SCARF2: variants seen among roughly 807,000 people sequenced by gnomAD.
SCARF2 encodes scavenger receptor expressed by endothelial cells 2 protein.
A neutral mutation model predicts 73.4 loss-of-function variants in SCARF2; 39 were observed. The ratio of observed to expected loss-of-function variants is 0.53; its 90% confidence interval spans 0.41 to 0.69. The LOEUF (loss-of-function observed/expected upper bound fraction) is 0.69. Ranked by LOEUF, SCARF2 falls within the 30% of genes least tolerant of loss-of-function variation. SCARF2 has a pLI of 0.00. For missense variants in SCARF2, 1,148 were observed against 1,303.5 expected, an observed-to-expected ratio of 0.88 and a Z score of 1.84; for synonymous variants, 605 against 590.0, an observed-to-expected ratio of 1.03 and a Z score of -0.37.
chr22:20,426,990 G>A (rs2052585793), intron 10 of SCARF2, among the ~76,000 whole-genome samples: 1 of 151,984 alleles, frequency 6.6e-6, no homozygotes. Flanking sequence ...CGTGGCATCT[G>A]GGGGCACAGT....
chr22:20,430,792 C>T lies in SCARF2; in HGVS notation c.971G>A (p.Gly324Asp). 1.2e-6 allele frequency: 2 copies of T among 1,606,164 alleles called. No homozygotes were observed. Among genetic ancestry groups the T allele is most frequent in the Non-Finnish European group, 1.7e-6 (2 of 1,177,316 alleles). Reference protein sequence around the residue: ...CDQPCATGFYGEGCSHRCPPC... With the variant: ...CDQPCATGFYDEGCSHRCPPC... ...CGGACAGCGGTGGCTGCAGCCCTCGCCATAGAAACCGGTGGCGCAAGGCTG... is the reference window on the plus strand; with the variant it reads ...CGGACAGCGGTGGCTGCAGCCCTCGTCATAGAAACCGGTGGCGCAAGGCTG... Residue 324 changes from glycine to aspartate, a missense_variant, in exon 5 of 11, where the codon GGC becomes GAC. By Grantham distance (94) the Gly-to-Asp change is moderately conservative (BLOSUM62 -1). This residue lies in a region of SCARF2 where 372 missense variants were observed against 532.0 expected (regional missense o/e 0.70). Transcript: ENST00000622235.
At chr22:20,432,053 C>G in intron 1 of SCARF2, 65 bp from the exon 2 acceptor site, 1 of 1,458,686 alleles carries the variant, frequency 6.9e-7, no homozygotes, top group East Asian at 2.4e-5. Flanking sequence ...GCTCCGGGCT[C>G]CTCCGCAGCC....
In SCARF2 at chr22:20,429,987, G is replaced by T. The variant is rs951288943; in HGVS notation, c.1203-154C>A. The stretch of plus-strand genomic sequence containing the variant: ...CGTCTAGGGATTGAAGCCCCGCCCC[G>T]CCCGTGGCACATATTGGGTAGTGGA... On this transcript the variant is annotated intron_variant, in intron 6 of 10. Transcript: ENST00000622235. This position sits in a 1 kb window ranked among gnomAD's most constrained non-coding sequence, Gnocchi z 5.2. 2.7e-6 allele frequency: 2 copies of T among 728,476 alleles called. No homozygotes were observed. Among genetic ancestry groups the T allele is most frequent in the Non-Finnish European group, 4.6e-6 (2 of 439,410 alleles). 45.1% of individuals were successfully genotyped at this position (728,476 alleles called of 1,614,324 possible).
At chr22:20,432,914 C>T (rs2052663869) in intron 1 of SCARF2, among the ~76,000 whole-genome samples, 1 of 152,188 alleles carries the variant, frequency 6.6e-6, no homozygotes, top group African/African-American at 2.4e-5. Context: ...GACAGGGTTT[C>T]GCCATGTTGG....
Position 20,425,866 on chromosome 22 carries a change from T to C in SCARF2, c.2110A>G (p.Lys704Glu). Residue 704 changes from lysine (K) to glutamate (E), a missense_variant, in exon 11 of 11, where the codon AAA becomes GAA. Coordinates refer to ENST00000622235, the MANE Select transcript of SCARF2 (RefSeq NM_182895.5). This position sits in a 1 kb window ranked among gnomAD's most constrained non-coding sequence, Gnocchi z 4.6. ...CCGTGTTCGACCGTATGCGCCGATT[T>C]GTCGCTGGGCGTCCGTTTCCTCTTG... ...PSKRKRTPSD[K>E]SAHTVEHGSP... The C allele has an allele frequency of 6.3e-7, 1 of 1,595,752 alleles. No homozygotes were observed. Among genetic ancestry groups the C allele is most frequent in the Non-Finnish European group, 8.5e-7 (1 of 1,174,416 alleles).
chr22:20,425,628 C>A lies in SCARF2; in HGVS notation c.2348G>T (p.Arg783Leu). ...ELRGKTRSLG[R>L]AEVALGAQGP... ...CTGCGCGCCCAGGGCCACCTCGGCGCGGCCCAGGCTGCGAGTCTTGCCGCG... is the reference window on the plus strand; with the variant it reads ...CTGCGCGCCCAGGGCCACCTCGGCGAGGCCCAGGCTGCGAGTCTTGCCGCG... The change falls in exon 11 of 11, where the codon CGC becomes CTC. Residue 783 changes from arginine to leucine, a missense_variant. Transcript: ENST00000622235. This position sits in a 1 kb window ranked among gnomAD's most constrained non-coding sequence, Gnocchi z 4.6. 1 of 1,312,238 alleles carries A rather than the reference C, an allele frequency of 7.6e-7. No homozygotes were observed. The highest frequency in any genetic ancestry group is 9.7e-7 in the Non-Finnish European group (1 of 1,032,888). 81.3% of individuals were successfully genotyped at this position (1,312,238 alleles called of 1,614,324 possible).
chr22:20,436,723 G>A (rs971677187), intron 1 of SCARF2, among the ~76,000 whole-genome samples: 1 of 152,160 alleles, frequency 6.6e-6, no homozygotes, highest in African/African-American at 2.4e-5. Context: ...CCACACGCCC[G>A]CTCCTCACCC....
chr22:20,428,989 G>A (rs2052610905), intron 9 of SCARF2, among the ~76,000 whole-genome samples: 1 of 152,100 alleles, frequency 6.6e-6, no homozygotes, highest in Non-Finnish European at 1.5e-5. Flanking sequence ...CAACGTTTCT[G>A]ACATATGCCC....
rs556727567 is a variant in SCARF2, at chr22:20,429,720, A to G, written c.1306+10T>C. 11 of 1,613,788 alleles carry G rather than the reference A, an allele frequency of 6.8e-6. No individual in the cohort carries two copies. The South Asian group carries it at 9.9e-5, about 14-fold the overall frequency. ...TGCATTCCTTAACGGGACGCCCCTCATCCACTTACCTAGGTGGCAGGCACC... is the reference window on the plus strand; with the variant it reads ...TGCATTCCTTAACGGGACGCCCCTCGTCCACTTACCTAGGTGGCAGGCACC... On this transcript the variant is annotated intron_variant, in intron 7 of 10. Transcript: ENST00000622235. The surrounding 1 kb of genome is among the most constrained non-coding windows in gnomAD (Gnocchi z 5.2).
At position 20,427,820 on chromosome 22, in the gene SCARF2, C is replaced by T. The variant is rs1258271770; in HGVS notation, c.1541-270G>A. 4.6e-5 allele frequency among the ~76,000 whole-genome samples: 7 copies of T among 152,310 alleles called. No individual in the cohort carries two copies. In the South Asian group the frequency reaches 1.0e-3, roughly 23 times the overall value. ...AGGGAGCTGGAAAAGGTTGGGCTGA[C>T]GTGTTGAGAAAAGGCCAGAAAGGTG... is the stretch of plus-strand genomic sequence containing the variant. On this transcript the variant is annotated intron_variant, in intron 9 of 10. Coordinates refer to ENST00000622235, the MANE Select transcript of SCARF2 (RefSeq NM_182895.5).
At position 20,430,893 on chromosome 22, in the gene SCARF2, C is replaced by T. The variant is rs2052637336; in HGVS notation, c.870G>A (p.Lys290=). The change falls in exon 5 of 11, where the codon AAG becomes AAA. Residue 290 remains lysine (K), a synonymous_variant. Transcript: ENST00000622235. ...CGGCCACCGTGCACGGCTGCTGGCC[C>T]TTGCACTGGCCACACCTGGGGGAGG... is the stretch of plus-strand genomic sequence containing the variant. ...LGCRRRCGQC[K]GQQPCTVAEG... The T allele has an allele frequency of 1.3e-6, 2 of 1,598,666 alleles. No individual in the cohort carries two copies. Among genetic ancestry groups the T allele is most frequent in the Admixed American group, 1.7e-5 (1 of 59,146 alleles).
rs7286419 is a variant in SCARF2 at position 20,425,314 on chromosome 22, T to C, written c.*61A>G. On this transcript the variant is annotated 3_prime_UTR_variant, in exon 11 of 11. Coordinates refer to ENST00000622235, the MANE Select transcript of SCARF2 (RefSeq NM_182895.5). The surrounding 1 kb of genome is among the most constrained non-coding windows in gnomAD (Gnocchi z 4.6). ...CGCCCGTGCCCGGTAGCGTGGGAGG[T>C]GTGGGGTGGCGGGCGGCGCTGCGAA... is the stretch of plus-strand genomic sequence containing the variant. The C allele has an allele frequency of 3.1e-6, 4 of 1,278,508 alleles. No homozygotes were observed. The highest frequency in any genetic ancestry group is 4.0e-6 in the Non-Finnish European group (4 of 995,664). 79.2% of individuals were successfully genotyped at this position (1,278,508 alleles called of 1,614,324 possible). A position where few individuals can be genotyped will look rare whatever the true frequency, so the allele number is the denominator to read the frequency against.
At chr22:20,426,920 C>G (rs1477969140) in intron 10 of SCARF2, among the ~76,000 whole-genome samples, 1 of 145,056 alleles carries the variant, frequency 6.9e-6, no homozygotes, top group Non-Finnish European at 1.5e-5. Flanking sequence ...GAGGCAGACT[C>G]CGTCTCAAAA....
chr22:20,431,529 G>A lies in SCARF2; in HGVS notation c.343C>T (p.Arg115Cys). 6.3e-7 allele frequency: 1 copy of A among 1,575,162 alleles called. No individual in the cohort carries two copies. The highest frequency in any genetic ancestry group is 1.1e-5 in the South Asian group (1 of 87,248). The change falls in exon 4 of 11, where the codon CGC (arginine) becomes TGC (cysteine). Residue 115 changes from arginine to cysteine, a missense_variant. This residue lies in a region of SCARF2 where 372 missense variants were observed against 532.0 expected (regional missense o/e 0.70). Coordinates refer to ENST00000622235, the MANE Select transcript of SCARF2 (RefSeq NM_182895.5). Reference protein sequence around the residue: ...FGANCDTKCPRQFWGPDCKEL... With the variant: ...FGANCDTKCPCQFWGPDCKEL... ...TTGCAGTCGGGGCCCCAGAACTGGCGCGGGCACTCTGCAGGGGAGGAGCGG... is the reference window on the plus strand; with the variant it reads ...TTGCAGTCGGGGCCCCAGAACTGGCACGGGCACTCTGCAGGGGAGGAGCGG...
Position 20,430,412 on chromosome 22 carries a change from G to C in SCARF2, c.1202+17C>G, listed in dbSNP as rs1439190464. On this transcript the variant is annotated intron_variant, in intron 6 of 10. Transcript: ENST00000622235. Reference sequence around the variant, plus strand: ...AGGTACAAGCCCCCAACCCCCTCCCGGTCCCGGGGCACTCACTGGGGCCCG... The same window carrying C: ...AGGTACAAGCCCCCAACCCCCTCCCCGTCCCGGGGCACTCACTGGGGCCCG... The C allele has an allele frequency of 3.2e-6, 5 of 1,580,474 alleles. No homozygotes were observed. The South Asian group carries it at 4.6e-5, about 14-fold the overall frequency.
At chr22:20,427,300 A>G (rs1437783865) in intron 10 of SCARF2, 98 bp downstream of exon 10, 6 of 1,467,632 alleles carry the variant, frequency 4.1e-6, no homozygotes, top group Non-Finnish European at 5.6e-6. Flanking sequence ...CTTCCTCTCC[A>G]TGCTGCCTGC....
intron 10 of SCARF2, among the ~76,000 whole-genome samples, chr22:20,426,576 G>C (rs1314886296): frequency 6.6e-6 from 1 of 152,242 alleles, no homozygotes; most frequent in Non-Finnish European, 1.5e-5. Flanking sequence ...CCAGCCTTGG[G>C]CGCCTGCATC....
chr22:20,432,525 G>C (rs148255391), intron 1 of SCARF2, among the ~76,000 whole-genome samples: 1 of 152,160 alleles, frequency 6.6e-6, no homozygotes, highest in Non-Finnish European at 1.5e-5. Context: ...AGGGGGACGG[G>C]GGGTGGCATG....
chr22:20,433,540 G>C (rs1025655267), intron 1 of SCARF2, among the ~76,000 whole-genome samples: 1 of 152,210 alleles, frequency 6.6e-6, no homozygotes, highest in African/African-American at 2.4e-5. Flanking sequence ...CCATTCCCCA[G>C]CTAGACAGAA....
Sources: gnomAD v4.1 joint callset for allele counts (sites outside exome capture counted in the v4.1 genomes callset) on GRCh38, gnomAD v4.1.1 for gene constraint, gnomAD v4.1.1 regional missense constraint, Gnocchi (gnomAD v3.1) non-coding constraint, MANE v1.5 for transcripts, NCBI Gene and HGNC (gene_info 2026-07-23, HGNC 2026-07-21) for gene names.